The following DPP8 variants were observed in gnomAD, a reference collection of about 807,000 sequenced individuals.
DPP8 encodes the protein DPP VIII.
A neutral mutation model predicts 107.5 loss-of-function variants in DPP8; 31 were observed. That is an observed-to-expected ratio of 0.29 (90% confidence interval 0.22 to 0.39). The LOEUF is 0.39. Ranked by LOEUF, DPP8 falls within the 10% of genes least tolerant of loss-of-function variation. The pLI is 1.00. For missense variants in DPP8, 842 were observed against 1,076.1 expected, an observed-to-expected ratio of 0.78 and a Z score of 3.04; for synonymous variants, 381 against 356.6, an observed-to-expected ratio of 1.07 and a Z score of -0.77.
rs2066652844 is a variant in DPP8, at chr15:65,478,965, T to A, written c.1371A>T (p.Lys457Asn). 1 of 1,595,774 alleles carries A rather than the reference T, an allele frequency of 6.3e-7. No homozygotes were observed. The highest frequency in any genetic ancestry group is 8.5e-7 in the Non-Finnish European group (1 of 1,173,288). The change falls in exon 11 of 20, where the codon AAA becomes AAT. Residue 457 changes from lysine to asparagine, a missense_variant. Lys to Asn is a moderately conservative substitution (Grantham distance 94, BLOSUM62 0). Around this residue, in one of 2 missense-constraint regions of DPP8, gnomAD observed 663 missense variants for 758.0 expected, o/e 0.87. Transcript: ENST00000300141. Reference sequence around the variant, plus strand: ...TTTTGTATAAATGACGGAAACCTGTTTTGCATTCAGAGGCAAAAATAAACT... The same window carrying A: ...TTTTGTATAAATGACGGAAACCTGTATTGCATTCAGAGGCAAAAATAAACT... ...EIEFIFASEC[K>N]TGFRHLYKIT...
chr15:65,462,083 C>T (rs1695279014), intron 15 of DPP8, among the ~76,000 whole-genome samples: 1 of 152,138 alleles, frequency 6.6e-6, no homozygotes, highest in Non-Finnish European at 1.5e-5. Flanking sequence ...ATTCTCCTGC[C>T]TCAGTCTCCC....
intron 6 of DPP8, among the ~76,000 whole-genome samples, chr15:65,489,134 G>A (rs550943747): frequency 2.0e-5 from 3 of 150,536 alleles, no homozygotes; most frequent in African/African-American, 7.4e-5. Flanking sequence ...CTAATTTTTT[G>A]TATTTTAGTA....
chr15:65,465,746 C>T (rs2065293622), intron 14 of DPP8, among the ~76,000 whole-genome samples: 1 of 151,426 alleles, frequency 6.6e-6, no homozygotes, highest in Non-Finnish European at 1.5e-5. Flanking sequence ...TTAATAGAGA[C>T]AGGGTTTCAC....
intron 11 of DPP8, among the ~76,000 whole-genome samples, chr15:65,475,787 G>A (rs1328886810): frequency 1.3e-5 from 2 of 151,850 alleles, no homozygotes; most frequent in East Asian, 1.9e-4. Context: ...CTGCTCTGTC[G>A]CCCAGGCTAC....
At position 65,456,824 on chromosome 15, in the gene DPP8, C is replaced by T. The variant is rs186129346; in HGVS notation, c.1972-453G>A. 3.2e-3 allele frequency among the ~76,000 whole-genome samples: 483 copies of T among 152,258 alleles called. 8 individuals carry two copies. The highest frequency in any genetic ancestry group is 0.022 in the Admixed American group (341 of 15,274). On this transcript the variant is annotated intron_variant, in intron 15 of 19. Coordinates refer to ENST00000300141, the MANE Select transcript of DPP8 (RefSeq NM_130434.5). ...TCTACATGGCCCTTGAGATCTTTGGCTACCTCTGACCTCATCTCATACCAT... is the reference window on the plus strand; with the variant it reads ...TCTACATGGCCCTTGAGATCTTTGGTTACCTCTGACCTCATCTCATACCAT...
At chr15:65,469,847 A>G (rs935297610) in intron 12 of DPP8, among the ~76,000 whole-genome samples, 2 of 151,446 alleles carry the variant, frequency 1.3e-5, no homozygotes, top group African/African-American at 4.9e-5. Flanking sequence ...AAAAAGAAAA[A>G]GAAGCTCATA....
Position 65,500,591 on chromosome 15 carries a change from G to C in DPP8, c.546+15C>G, listed in dbSNP as rs1305125533. On this transcript the variant is annotated intron_variant, in intron 4 of 19. Transcript: ENST00000300141. ...GGACCCAAACCAGATTTAATCACTAGCAACTCCAACTTACCGTAAATCCTT... is the reference window on the plus strand; with the variant it reads ...GGACCCAAACCAGATTTAATCACTACCAACTCCAACTTACCGTAAATCCTT... 6.2e-7 allele frequency: 1 copy of C among 1,610,644 alleles called. No homozygotes were observed. The highest frequency in any genetic ancestry group is 1.7e-5 in the Admixed American group (1 of 59,840).
At position 65,466,642 on chromosome 15, in the gene DPP8, C is replaced by T. The variant is rs759325538; in HGVS notation, c.1825+36G>A. ...CGTTTAGTGTACTAATATATTAATC[C>T]TACTTAACGTCAGGATCAGGGGGAA... is the stretch of plus-strand genomic sequence containing the variant. On this transcript the variant is annotated intron_variant, in intron 14 of 19. Transcript: ENST00000300141. 6 of 1,582,894 alleles carry T rather than the reference C, an allele frequency of 3.8e-6. No homozygotes were observed. The Admixed American group carries it at 8.5e-5, about 22-fold the overall frequency.
At chr15:65,456,090 C>A in intron 16 of DPP8, 135 bp downstream of exon 16, 1 of 1,119,512 alleles carries the variant, frequency 8.9e-7, no homozygotes. Flanking sequence ...TCTCCCACCC[C>A]CAAACTCTAA....
At chr15:65,465,862 A>G (rs1255360878) in intron 14 of DPP8, among the ~76,000 whole-genome samples, 1 of 151,842 alleles carries the variant, frequency 6.6e-6, no homozygotes, top group Non-Finnish European at 1.5e-5. Flanking sequence ...AGCCCAGTCC[A>G]TTATTTATGT....
chr15:65,511,639 CAAAAAAAAAAA>C (rs373452327), intron 2 of DPP8, among the ~76,000 whole-genome samples: 1 of 110,360 alleles, frequency 9.1e-6, no homozygotes, highest in Admixed American at 1.0e-4. Context: ...GACCCTGTCT[CAAAAAAAAAAA>C]AAAAAAAACT....
intron 16 of DPP8, 77 bp from the exon 17 acceptor site, chr15:65,454,492 G>A (rs929354146): frequency 1.5e-6 from 2 of 1,318,382 alleles, no homozygotes; most frequent in African/African-American, 1.5e-5. Flanking sequence ...GATGATAAAT[G>A]TTTTTACTAA....
intron 15 of DPP8, among the ~76,000 whole-genome samples, chr15:65,462,907 T>C (rs1567161603): frequency 6.6e-6 from 1 of 152,116 alleles, no homozygotes; most frequent in Non-Finnish European, 1.5e-5. Context: ...AGTCAAAGCA[T>C]TTACTTAACA....
chr15:65,490,922 G>A (rs764641490), intron 5 of DPP8, among the ~76,000 whole-genome samples: 1 of 152,238 alleles, frequency 6.6e-6, no homozygotes, highest in African/African-American at 2.4e-5. Context: ...CACTTTGGGA[G>A]GCCGAGGAGG....
chr15:65,499,070 A>T (rs75987554), intron 4 of DPP8, among the ~76,000 whole-genome samples: 2 of 129,690 alleles, frequency 1.5e-5, no homozygotes, highest in East Asian at 4.4e-4. Context: ...CCAAAAAAAA[A>T]GTGTGTGTGT....
chr15:65,474,709 C>G (rs981021965), intron 11 of DPP8, among the ~76,000 whole-genome samples: 16 of 152,202 alleles, frequency 1.1e-4, no homozygotes, highest in African/African-American at 3.6e-4. Context: ...TGGCCTAAAG[C>G]CCCCTGGCCT....
chr15:65,466,758 G>C lies in DPP8; in HGVS notation c.1745C>G (p.Ser582Cys). The part of the protein sequence containing the change: ...YSNQKNPHCV[S>C]LYKLSSPEDD... The stretch of plus-strand genomic sequence containing the variant: ...TTCAGGACTTGATAGCTTGTAAAGG[G>C]ACACACAGTGTGGATTCTTCTGGTT... Residue 582 changes from serine (S) to cysteine (C), a missense_variant, in exon 14 of 20, where the codon TCC (serine) becomes TGC (cysteine). Transcript: ENST00000300141. 2 of 1,613,884 alleles carry C rather than the reference G, an allele frequency of 1.2e-6. No homozygotes were observed. Among genetic ancestry groups the C allele is most frequent in the Non-Finnish European group, 1.7e-6 (2 of 1,179,806 alleles).
intron 18 of DPP8, among the ~76,000 whole-genome samples, chr15:65,451,354 A>G (rs1420768912): frequency 4.6e-5 from 7 of 152,220 alleles, no homozygotes; most frequent in Non-Finnish European, 1.0e-4. Context: ...CTATAATTAT[A>G]GCATGTCCCT....
chr15:65,448,330 T>C (rs761341363), intron 19 of DPP8, among the ~76,000 whole-genome samples: 18 of 151,990 alleles, frequency 1.2e-4, no homozygotes, highest in Non-Finnish European at 2.1e-4. Context: ...GTTCAGGAGT[T>C]TGAGATCAGC....
Sources: allele counts gnomAD v4.1 joint callset (sites outside exome capture counted in the v4.1 genomes callset), GRCh38; gene constraint gnomAD v4.1.1; regional missense constraint gnomAD v4.1.1; transcripts MANE v1.5; gene names NCBI Gene and HGNC (gene_info 2026-07-23, HGNC 2026-07-21).